MAP3K1: variants seen among roughly 807,000 people sequenced by gnomAD.
MAP3K1 encodes mitogen-activated protein kinase kinase kinase 1, also known as MAP/ERK kinase kinase 1.
MAP3K1 carries 36 observed loss-of-function variants against 144.2 expected under a neutral mutation model. The ratio of observed to expected loss-of-function variants is 0.25; its 90% CI spans 0.19 to 0.33. MAP3K1 has a LOEUF of 0.33. MAP3K1 is among the 10% of genes least tolerant of loss of function. MAP3K1 has a pLI of 1.00. For missense variants in MAP3K1, 1,650 were observed against 1,881.9 expected, an observed-to-expected ratio of 0.88 and a Z score of 2.28; for synonymous variants, 718 against 688.7, an observed-to-expected ratio of 1.04 and a Z score of -0.67.
chr5:56,852,265 AG>A (rs752549508), intron 1 of MAP3K1, among the ~76,000 whole-genome samples: 2 of 152,332 alleles, frequency 1.3e-5, no homozygotes, highest in South Asian at 2.1e-4. Context: ...ACCTCATAGA[AG>A]AGTAGAGGAG....
intron 1 of MAP3K1, chr5:56,817,142 C>T (rs1207281354): frequency 1.0e-6 from 1 of 981,028 alleles, no homozygotes; most frequent in Non-Finnish European, 1.2e-6. Context: ...GGTTTATTGG[C>T]CTCGCCCATT....
At chr5:56,870,535 T>C (rs999861793) in intron 6 of MAP3K1, among the ~76,000 whole-genome samples, 1 of 152,206 alleles carries the variant, frequency 6.6e-6, no homozygotes, top group Non-Finnish European at 1.5e-5. Flanking sequence ...AAACTCTTCT[T>C]TGCACACTTC....
chr5:56,868,353 A>G (rs75645047), intron 6 of MAP3K1, among the ~76,000 whole-genome samples: 2 of 152,272 alleles, frequency 1.3e-5, no homozygotes, highest in East Asian at 1.9e-4. Flanking sequence ...TCAAAAAAAA[A>G]TGAGTACAAA....
intron 19 of MAP3K1, 97 bp downstream of exon 19, chr5:56,888,454 A>G: frequency 2.0e-6 from 2 of 1,020,150 alleles, no homozygotes; most frequent in Non-Finnish European, 3.0e-6. Flanking sequence ...ACAATCTAGC[A>G]TGAAGGTAAA....
At chr5:56,885,450 G>A (rs907895460) in intron 16 of MAP3K1, among the ~76,000 whole-genome samples, 28 of 152,182 alleles carry the variant, frequency 1.8e-4, no homozygotes, top group African/African-American at 6.5e-4. Context: ...TAGATAGGTT[G>A]ACTACTATAA....
chr5:56,859,885 A>G lies in MAP3K1; in HGVS notation c.804A>G (p.Gly268=). ...SGRTVKSESP[G]VRRKRVSPVP... ...GCACAGTGAAATCAGAATCTCCAGGAGTAAGGAGAAAAAGAGTTTCCCCAG... is the reference window on the plus strand; with the variant it reads ...GCACAGTGAAATCAGAATCTCCAGGGGTAAGGAGAAAAAGAGTTTCCCCAG... Residue 268 remains glycine (G), a synonymous_variant, in exon 3 of 20, where the codon GGA becomes GGG. Coordinates refer to ENST00000399503, the MANE Select transcript of MAP3K1 (RefSeq NM_005921.2). 1 of 1,613,374 alleles carries G rather than the reference A, an allele frequency of 6.2e-7. No individual in the cohort carries two copies. Among genetic ancestry groups the G allele is most frequent in the Non-Finnish European group, 8.5e-7 (1 of 1,179,710 alleles).
chr5:56,891,219 T>C (rs1190378596), intron 19 of MAP3K1, among the ~76,000 whole-genome samples: 1 of 151,642 alleles, frequency 6.6e-6, no homozygotes, highest in Non-Finnish European at 1.5e-5. Context: ...GAAGAGGGAC[T>C]TTTTTTGTTT....
intron 1 of MAP3K1, among the ~76,000 whole-genome samples, chr5:56,840,896 G>A (rs1377225867): frequency 1.3e-5 from 2 of 148,542 alleles, no homozygotes; most frequent in African/African-American, 4.9e-5. Context: ...TTTAAAGATG[G>A]AGTCTTGTTC....
chr5:56,882,301 C>A lies in MAP3K1; in HGVS notation c.3101C>A (p.Pro1034His), dbSNP rs767721740. The A allele has an allele frequency of 6.2e-7, 1 of 1,614,114 alleles. No individual in the cohort carries two copies. Among genetic ancestry groups the A allele is most frequent in the Non-Finnish European group, 8.5e-7 (1 of 1,180,022 alleles). ...TCTCTACAATTCCACAGAAACTGTC[C>A]TGAAAACAAAGACTCAGATAAACTT... ...KFSLQFHRNC[P>H]ENKDSDKLSP... is the part of the protein sequence containing the mutation. The change falls in exon 14 of 20, where the codon CCT becomes CAT. Residue 1034 changes from proline to histidine, a missense_variant. Pro to His is a moderately conservative substitution (Grantham distance 77). This residue lies in a region of MAP3K1 where 841 missense variants were observed against 886.5 expected (regional missense o/e 0.95). Transcript: ENST00000399503.
At position 56,865,446 on chromosome 5, in the gene MAP3K1, A is replaced by G; in HGVS notation, c.1142A>G (p.Lys381Arg). ...CCAATGTTATGGAGAAAAACTTTAA[A>G]GAATTTTGAGGTAGTTTTTAATAAA... ...SDPMLWRKTL[K>R]NFEVESLFQK... The change falls in exon 5 of 20, where the codon AAG becomes AGG. Residue 381 changes from lysine (K) to arginine (R), a missense_variant. Transcript: ENST00000399503. The G allele has an allele frequency of 6.4e-7, 1 of 1,561,674 alleles. No individual in the cohort carries two copies. The highest frequency in any genetic ancestry group is 8.8e-7 in the Non-Finnish European group (1 of 1,132,236).
rs566721536 is a variant in MAP3K1 at position 56,891,506 on chromosome 5, G to A, written c.4390-2025G>A. ...TGTAGGTTGCCTGTTCACTCTGATG[G>A]TAGTTTCTTTTGCTCTGCAGAAGCG... On this transcript the variant is annotated intron_variant, in intron 19 of 19. Coordinates refer to ENST00000399503, the MANE Select transcript of MAP3K1 (RefSeq NM_005921.2). Among the ~76,000 whole-genome samples the A allele has an allele frequency of 3.0e-4, 45 of 152,248 alleles. No individual in the cohort carries two copies. The South Asian group carries it at 9.3e-3, about 32-fold the overall frequency.
intron 1 of MAP3K1, among the ~76,000 whole-genome samples, chr5:56,827,864 CAA>C (rs796781747): frequency 7.1e-6 from 1 of 140,250 alleles, no homozygotes. Flanking sequence ...AACTCCATCT[CAA>C]AAAAAAAAAA....
intron 1 of MAP3K1, chr5:56,816,958 C>T (rs1220816207): frequency 1.4e-5 from 6 of 413,834 alleles, no homozygotes; most frequent in Non-Finnish European, 1.6e-5. Context: ...TGACTGCTCC[C>T]CGCAGCCCCT....
At chr5:56,876,745 G>C (rs1025811895) in intron 10 of MAP3K1, among the ~76,000 whole-genome samples, 3 of 152,124 alleles carry the variant, frequency 2.0e-5, no homozygotes, top group African/African-American at 7.2e-5. Context: ...ATACCTTTTA[G>C]GTTTGAAATT....
intron 19 of MAP3K1, among the ~76,000 whole-genome samples, chr5:56,892,838 A>G (rs1362348921): frequency 6.6e-6 from 1 of 152,110 alleles, no homozygotes; most frequent in Non-Finnish European, 1.5e-5. Flanking sequence ...TTTTTTATAT[A>G]TGACTTGAAA....
At chr5:56,857,830 T>C (rs1747385801) in intron 2 of MAP3K1, among the ~76,000 whole-genome samples, 1 of 152,220 alleles carries the variant, frequency 6.6e-6, no homozygotes, top group Admixed American at 6.5e-5. Flanking sequence ...TCCTCATCAC[T>C]GAGCTGCAGT....
chr5:56,894,092 G>A lies in MAP3K1; in HGVS notation c.*412G>A, dbSNP rs976782201. 2.6e-5 allele frequency: 8 copies of A among 313,684 alleles called. No individual in the cohort carries two copies. The highest frequency in any genetic ancestry group is 1.4e-4 in the East Asian group (3 of 21,184). The allele number at this position is 313,684 out of a possible 1,614,324, so 19.4% of individuals were successfully genotyped here. ...CACAAGCAGGGGGTTCTGCAATTCCGTTCAAATTTTTTGTCACTGGCTATA... is the reference window on the plus strand; with the variant it reads ...CACAAGCAGGGGGTTCTGCAATTCCATTCAAATTTTTTGTCACTGGCTATA... On this transcript the variant is annotated 3_prime_UTR_variant, in exon 20 of 20. Transcript: ENST00000399503.
intron 2 of MAP3K1, 174 bp from the exon 3 acceptor site, chr5:56,859,538 AAAT>A (rs1747439910): frequency 5.1e-6 from 3 of 592,426 alleles, no homozygotes; most frequent in East Asian, 2.9e-5. Flanking sequence ...GTGCAGGTAA[AAAT>A]AATCTTTTAC....
chr5:56,828,284 T>C (rs252919), intron 1 of MAP3K1, among the ~76,000 whole-genome samples: 117,057 of 152,120 alleles, frequency 0.77, 45,415 homozygotes, highest in Non-Finnish European at 0.82. Flanking sequence ...TCAGGGTTCT[T>C]ATCTCTGTGA....
Sources: gnomAD v4.1 joint callset for allele counts (sites outside exome capture counted in the v4.1 genomes callset) on GRCh38, gnomAD v4.1.1 for gene constraint, gnomAD v4.1.1 regional missense constraint, MANE v1.5 for transcripts, NCBI Gene and HGNC (gene_info 2026-07-23, HGNC 2026-07-21) for gene names.